PKD1L1: variants seen among roughly 807,000 people sequenced by gnomAD.
PKD1L1 encodes the protein polycystin 1 like 1, transient receptor potential channel interacting, also known as polycystin-1-like protein 1.
In PKD1L1, 236 loss-of-function variants were observed where a neutral mutation model predicts 323.4. The ratio of observed to expected loss-of-function variants is 0.73; its 90% CI spans 0.66 to 0.81. The LOEUF (loss-of-function observed/expected upper bound fraction) is 0.81, where lower values mean the gene tolerates loss of function less well. Among genes scored for constraint, PKD1L1 ranks in the 40% least tolerant of loss-of-function variants. The pLI, the probability that PKD1L1 is intolerant of heterozygous loss-of-function variation, is 0.00. For missense variants in PKD1L1, 3,320 were observed against 3,508.0 expected (o/e 0.95, Z 1.35); for synonymous variants, 1,344 against 1,335.0 (o/e 1.01, Z -0.15).
chr7:47,938,917 C>G (rs938930606), intron 3 of PKD1L1, among the ~76,000 whole-genome samples: 11 of 152,178 alleles, frequency 7.2e-5, no homozygotes, highest in African/African-American at 2.7e-4. Context: ...TTTAAGCTCC[C>G]TAGGTGATTC....
chr7:47,919,374 A>G (rs7779591), intron 7 of PKD1L1, among the ~76,000 whole-genome samples: 6,809 of 152,204 alleles, frequency 0.045, 495 homozygotes, highest in African/African-American at 0.15. Flanking sequence ...TGAGATTGAA[A>G]TGTTAATTTA....
At position 47,829,493 on chromosome 7, in the gene PKD1L1, G is replaced by A. The variant is rs757327591; in HGVS notation, c.6667C>T (p.Arg2223Cys). 22 of 1,614,036 alleles carry A rather than the reference G, an allele frequency of 1.4e-5. No homozygotes were observed. The highest frequency in any genetic ancestry group is 3.3e-5 in the Admixed American group (2 of 60,006). The change falls in exon 44 of 57, where the codon CGT becomes TGT. Residue 2223 changes from arginine to cysteine, a missense_variant. Physicochemically the swap from Arg to Cys is radical, Grantham distance 180 (BLOSUM62 -3). Coordinates refer to ENST00000289672, the MANE Select transcript of PKD1L1 (RefSeq NM_138295.5). ...TRDLDSELAE[R>C]SWTRLPFSSS... ...GAGAAGGGGAGGCGAGTCCAGGAAC[G>A]TTCTGCCAATTCAGAGTCCAGATCC...
intron 18 of PKD1L1, 149 bp downstream of exon 18, chr7:47,885,537 C>T (rs1786662755): frequency 9.1e-7 from 1 of 1,099,960 alleles, no homozygotes; most frequent in Admixed American, 2.3e-5. Flanking sequence ...TATTGCACAA[C>T]CAGCAAGTGG....
chr7:47,841,454 T>C (rs1307485713), intron 34 of PKD1L1, among the ~76,000 whole-genome samples: 1 of 152,246 alleles, frequency 6.6e-6, no homozygotes, highest in African/African-American at 2.4e-5. Flanking sequence ...ACTGGTCTTG[T>C]AATTCTCTTG....
At chr7:47,929,563 A>G (rs1242842639) in intron 6 of PKD1L1, 37 bp from the exon 7 acceptor site, 1 of 1,555,148 alleles carries the variant, frequency 6.4e-7, no homozygotes, top group Non-Finnish European at 8.8e-7. Flanking sequence ...ATTTCATGAC[A>G]GTGGACCACT....
rs118004103 is a variant in PKD1L1 at position 47,890,550 on chromosome 7, C to T, written c.2667G>A (p.Ser889=). 36,865 of 1,613,852 alleles carry T rather than the reference C, an allele frequency of 0.023. 499 individuals carry two copies. Among genetic ancestry groups the T allele is most frequent in the South Asian group, 0.044 (3,989 of 91,062 alleles). Residue 889 remains serine (S), a synonymous_variant, in exon 16 of 57, where the codon TCG becomes TCA. Coordinates refer to ENST00000289672, the MANE Select transcript of PKD1L1 (RefSeq NM_138295.5). Reference sequence around the variant, plus strand: ...AATACAGGGTCAGGTACCTGAACGCCGAGTCAGGGTAGGGGGACAGGAACA... The same window carrying T: ...AATACAGGGTCAGGTACCTGAACGCTGAGTCAGGGTAGGGGGACAGGAACA... ...TRVFLSPYPD[S]AFRFVHISWV...
chr7:47,793,673 TAC>T (rs1389133453), intron 55 of PKD1L1, among the ~76,000 whole-genome samples: 2 of 152,120 alleles, frequency 1.3e-5, no homozygotes, highest in Non-Finnish European at 2.9e-5. Context: ...GCTGAAAAGA[TAC>T]CCAAAAATGT....
the PKD1L1 span, among the ~76,000 whole-genome samples, chr7:47,960,692 T>TA: frequency 2.6e-3 from 355 of 134,340 alleles, 1 homozygote; most frequent in African/African-American, 4.7e-3. Flanking sequence ...TTTTTCTAAT[T>TA]AAAAAAAAAA....
Position 47,782,541 on chromosome 7 carries a change from A to C in PKD1L1, c.8527-7375T>G, listed in dbSNP as rs977856440. 5.3e-5 allele frequency among the ~76,000 whole-genome samples: 8 copies of C among 152,242 alleles called. No homozygotes were observed. The South Asian group carries it at 1.7e-3, about 31-fold the overall frequency. On this transcript the variant is annotated intron_variant, in intron 56 of 56. Transcript: ENST00000289672. ...AGGAAGAAGGTCACCATGAGAAAAG[A>C]GTTCCTCCCTACAGTCCCAGAGATT...
At chr7:47,806,795 T>C (rs766282659) in intron 52 of PKD1L1, among the ~76,000 whole-genome samples, 3 of 152,222 alleles carry the variant, frequency 2.0e-5, no homozygotes, top group Non-Finnish European at 2.9e-5. Flanking sequence ...GAATGCAATA[T>C]CCGGAGATAA....
chr7:47,827,298 C>A (rs371865399), intron 45 of PKD1L1, 52 bp downstream of exon 45: 2 of 1,467,402 alleles, frequency 1.4e-6, no homozygotes, highest in African/African-American at 2.8e-5. Context: ...GTACTCCCTC[C>A]GAGAAGGGAG....
intron 7 of PKD1L1, among the ~76,000 whole-genome samples, chr7:47,927,576 T>C (rs1787679719): frequency 1.3e-5 from 2 of 152,154 alleles, no homozygotes; most frequent in South Asian, 4.2e-4. Flanking sequence ...CAAATTTTCT[T>C]AATAACAAAA....
intron 8 of PKD1L1, among the ~76,000 whole-genome samples, chr7:47,910,826 TTGTGTGTG>T (rs60550498): frequency 2.4e-5 from 3 of 126,082 alleles, no homozygotes; most frequent in African/African-American, 3.3e-5. Flanking sequence ...CCAGCTGATT[TTGTGTGTG>T]TGTGTGTGTG....
chr7:47,903,276 A>T lies in PKD1L1; in HGVS notation c.1932-765T>A, dbSNP rs117838263. Reference sequence around the variant, plus strand: ...ATCCTGGAGCTCCAGCAAGAAAGGTAGGGCCTACTGATAAGAATGAAGACT... The same window carrying T: ...ATCCTGGAGCTCCAGCAAGAAAGGTTGGGCCTACTGATAAGAATGAAGACT... On this transcript the variant is annotated intron_variant, in intron 12 of 56. Transcript: ENST00000289672. Among the ~76,000 whole-genome samples the T allele has an allele frequency of 7.7e-3, 1,172 of 152,308 alleles. 9 individuals carry two copies. Among genetic ancestry groups the T allele is most frequent in the Middle Eastern group, 0.017 (5 of 294 alleles).
At chr7:47,797,168 C>T (rs1018076980) in intron 54 of PKD1L1, among the ~76,000 whole-genome samples, 2 of 152,246 alleles carry the variant, frequency 1.3e-5, no homozygotes, top group South Asian at 4.1e-4. Context: ...CCCCTCCATG[C>T]TGCTAAGCAG....
At chr7:47,906,852 A>C (rs1787216630) in intron 9 of PKD1L1, among the ~76,000 whole-genome samples, 3 of 152,284 alleles carry the variant, frequency 2.0e-5, no homozygotes, top group Non-Finnish European at 1.5e-5. Context: ...CTCATTAAGC[A>C]TGCCTGAAAA....
rs2708913 is a variant in PKD1L1 at position 47,940,325 on chromosome 7, A to G, written c.161-8T>C. Reference sequence around the variant, plus strand: ...CATGATTAGCATAGACCTCTAGAGAAAAAAAAAAAAGCAAACATTCTGAAG... The same window carrying G: ...CATGATTAGCATAGACCTCTAGAGAGAAAAAAAAAAGCAAACATTCTGAAG... On this transcript the variant is annotated splice_region_variant and splice_polypyrimidine_tract_variant and intron_variant, in intron 2 of 56. Coordinates refer to ENST00000289672, the MANE Select transcript of PKD1L1 (RefSeq NM_138295.5). The G allele has an allele frequency of 0.48, 719,627 of 1,503,066 alleles. 149,984 individuals carry two copies. Among genetic ancestry groups the G allele is most frequent in the Admixed American group, 0.5 (27,054 of 53,884 alleles). The allele number at this position is 1,503,066 out of a possible 1,614,324, so 93.1% of individuals were successfully genotyped here. A position where few individuals can be genotyped will look rare whatever the true frequency, so the allele number is the denominator to read the frequency against.
intron 56 of PKD1L1, among the ~76,000 whole-genome samples, chr7:47,781,969 G>A (rs76570690): frequency 0.044 from 6,668 of 152,226 alleles, 249 homozygotes; most frequent in South Asian, 0.13. Context: ...AGATGAGTTT[G>A]GCATATTTGT....
In PKD1L1 at chr7:47,795,797, G is replaced by A. The variant is rs113522563; in HGVS notation, c.8355+192C>T. ...GGCAGGAGAATGTGCTTGGTAATCT[G>A]TAAAGTGTTTTAGAATTGCACGGGA... is the stretch of plus-strand genomic sequence containing the variant. On this transcript the variant is annotated intron_variant, in intron 55 of 56. Coordinates refer to ENST00000289672, the MANE Select transcript of PKD1L1 (RefSeq NM_138295.5). Among the ~76,000 whole-genome samples the A allele has an allele frequency of 1.9e-3, 282 of 152,298 alleles. 2 individuals are homozygous for A. Among genetic ancestry groups the A allele is most frequent in the Middle Eastern group, 0.01 (3 of 294 alleles).
Sources: gnomAD v4.1 joint callset for allele counts (sites outside exome capture counted in the v4.1 genomes callset) on GRCh38, gnomAD v4.1.1 for gene constraint, MANE v1.5 for transcripts, NCBI Gene and HGNC (gene_info 2026-07-23, HGNC 2026-07-21) for gene names.